PIERCE1: variants seen among roughly 807,000 people sequenced by gnomAD.
PIERCE1 encodes piercer of microtubule wall 1.
the PIERCE1 span, chr9:135,495,365 G>A: frequency 6.9e-7 from 1 of 1,454,944 alleles, no homozygotes; most frequent in Non-Finnish European, 9.4e-7. Flanking sequence ...TGGGTGATGA[G>A]GGATGATGAT....
chr9:135,495,673 G>GA, the PIERCE1 span: 1 of 1,406,174 alleles, frequency 7.1e-7, no homozygotes, highest in East Asian at 2.3e-5. Context: ...GCAATCCGTT[G>GA]AATATTTTTG....
chr9:135,499,828 C>A, the PIERCE1 span: 18 of 1,594,216 alleles, frequency 1.1e-5, no homozygotes, highest in Middle Eastern at 1.7e-4. Flanking sequence ...GCTCCGCGCA[C>A]GCTCTGGGGC....
the PIERCE1 span, chr9:135,495,234 G>A: frequency 1.7e-6 from 1 of 572,248 alleles, no homozygotes; most frequent in Non-Finnish European, 3.1e-6. Context: ...TCTTTCCCAT[G>A]TACTTATTAG....
the PIERCE1 span, among the ~76,000 whole-genome samples, chr9:135,499,243 G>A: frequency 6.6e-6 from 1 of 152,254 alleles, no homozygotes; most frequent in Non-Finnish European, 1.5e-5. Context: ...CTGCCCTAGA[G>A]GACTGTTGAG....
the PIERCE1 span, chr9:135,499,671 A>C: frequency 0.43 from 690,190 of 1,598,308 alleles, 154,297 homozygotes; most frequent in East Asian, 0.84. Context: ...GCTATCGAGC[A>C]GTGGACGCCA....
the PIERCE1 span, among the ~76,000 whole-genome samples, chr9:135,496,419 T>A: frequency 6.6e-6 from 1 of 152,182 alleles, no homozygotes; most frequent in Non-Finnish European, 1.5e-5. Context: ...CTGAAGCGAG[T>A]GGTCTGGACC....
At chr9:135,499,329 C>T in the PIERCE1 span, 2 of 456,328 alleles carry the variant, frequency 4.4e-6, no homozygotes, top group East Asian at 1.1e-4. Context: ...ACTTCTTAGC[C>T]TGCAATGCCC....
chr9:135,495,527 T>C, the PIERCE1 span: 1 of 1,614,162 alleles, frequency 6.2e-7, no homozygotes, highest in Non-Finnish European at 8.5e-7. Context: ...GATGCTTTTC[T>C]CCAGGTAAAC....
At chr9:135,495,269 C>T in the PIERCE1 span, 3 of 657,280 alleles carry the variant, frequency 4.6e-6, no homozygotes, top group South Asian at 4.1e-5. Context: ...GACTTCACGG[C>T]CCCGTTTGCA....
the PIERCE1 span, chr9:135,499,670 C>A: frequency 6.2e-7 from 1 of 1,602,266 alleles, no homozygotes; most frequent in Non-Finnish European, 8.5e-7. Flanking sequence ...GGCTATCGAG[C>A]AGTGGACGCC....
the PIERCE1 span, among the ~76,000 whole-genome samples, chr9:135,496,794 A>ATTTTT: frequency 3.3e-5 from 4 of 122,728 alleles, no homozygotes; most frequent in Non-Finnish European, 1.6e-5. Context: ...CCTTCAGTGC[A>ATTTTT]TTTTTTTTTT....
At chr9:135,498,833 ACCGTTCTGAATGG>A in the PIERCE1 span, 1 of 641,074 alleles carries the variant, frequency 1.6e-6, no homozygotes, top group South Asian at 1.8e-5. This position sits in a 1 kb window ranked among gnomAD's most constrained non-coding sequence, Gnocchi z 4.1. Flanking sequence ...CTGGCTGATG[ACCGTTCTGAATGG>A]CCCGGCCTCC....
chr9:135,497,150 T>C, the PIERCE1 span, among the ~76,000 whole-genome samples: 1 of 151,928 alleles, frequency 6.6e-6, no homozygotes, highest in Non-Finnish European at 1.5e-5. Context: ...ACATGGGAGG[T>C]AAACAGCTTC....
chr9:135,498,230 A>C, the PIERCE1 span, among the ~76,000 whole-genome samples: 1 of 152,084 alleles, frequency 6.6e-6, no homozygotes, highest in Admixed American at 6.5e-5. The surrounding 1 kb of genome is among the most constrained non-coding windows in gnomAD (Gnocchi z 4.1). Flanking sequence ...CCCTTCATTT[A>C]TTTGCCTCAG....
At chr9:135,499,089 C>A in the PIERCE1 span, 4,465 of 271,830 alleles carry the variant, frequency 0.016, 201 homozygotes, top group African/African-American at 0.094. Flanking sequence ...CTACTGGTAC[C>A]ACTGCCCCTA....
At chr9:135,498,232 T>A in the PIERCE1 span, among the ~76,000 whole-genome samples, 2 of 152,208 alleles carry the variant, frequency 1.3e-5, no homozygotes, top group Non-Finnish European at 2.9e-5. The surrounding 1 kb of genome is among the most constrained non-coding windows in gnomAD (Gnocchi z 4.1). Flanking sequence ...CTTCATTTAT[T>A]TGCCTCAGAA....
chr9:135,497,894 G>C, the PIERCE1 span, among the ~76,000 whole-genome samples: 1 of 151,982 alleles, frequency 6.6e-6, no homozygotes, highest in Non-Finnish European at 1.5e-5. Context: ...GACCTTTTCA[G>C]TGATGAATGC....
the PIERCE1 span, chr9:135,498,482 C>T: frequency 3.2e-6 from 3 of 939,142 alleles, no homozygotes; most frequent in Non-Finnish European, 1.7e-6. The surrounding 1 kb of genome is among the most constrained non-coding windows in gnomAD (Gnocchi z 4.1). Context: ...TGGGTGCACC[C>T]CTCCCCGTCT....
chr9:135,498,802 G>A, the PIERCE1 span: 7 of 751,388 alleles, frequency 9.3e-6, no homozygotes, highest in Admixed American at 6.3e-5. The surrounding 1 kb of genome is among the most constrained non-coding windows in gnomAD (Gnocchi z 4.1). Context: ...ATGTGGCCTC[G>A]AAGGCAGCCT....
Sources: gnomAD v4.1 joint callset for allele counts (sites outside exome capture counted in the v4.1 genomes callset) on GRCh38, gnomAD v4.1.1 for gene constraint, Gnocchi (gnomAD v3.1) non-coding constraint, MANE v1.5 for transcripts, NCBI Gene and HGNC (gene_info 2026-07-23, HGNC 2026-07-21) for gene names.